Variants in ADGRL2 observed in about 807,000 individuals in gnomAD.
The protein encoded by ADGRL2 is adhesion G protein-coupled receptor L2, also known as calcium-independent alpha-latrotoxin receptor 2.
A neutral mutation model predicts 157.4 loss-of-function variants in ADGRL2; 44 were observed. The observed-to-expected ratio is 0.28, with a 90% CI of 0.22 to 0.36. The LOEUF (loss-of-function observed/expected upper bound fraction) is 0.36, where lower values mean the gene tolerates loss of function less well. ADGRL2 is among the 10% of genes least tolerant of loss of function. The pLI, the probability that ADGRL2 is intolerant of heterozygous loss-of-function variation, is 1.00. For synonymous variants in ADGRL2, 585 were observed against 624.7 expected (o/e 0.94, Z 0.95); for missense variants, 1,510 against 1,768.9 (o/e 0.85, Z 2.63).
upstream of ADGRL2, among the ~76,000 whole-genome samples, chr1:81,796,116 G>A (rs1398263895): frequency 1.3e-5 from 2 of 152,018 alleles, no homozygotes; most frequent in East Asian, 1.9e-4. Context: ...TCAGCCTCCC[G>A]AGTAGATGGG....
At chr1:81,307,860 C>T (rs1659458511) in intron 1 of ADGRL2, among the ~76,000 whole-genome samples, 1 of 150,930 alleles carries the variant, frequency 6.6e-6, no homozygotes, top group South Asian at 2.1e-4. Flanking sequence ...AAAAAATGCG[C>T]CTTGATTTTT....
chr1:81,848,566 C>A (rs1310361113), intron 2 of ADGRL2, among the ~76,000 whole-genome samples: 3 of 151,820 alleles, frequency 2.0e-5, no homozygotes, highest in Non-Finnish European at 4.4e-5. Flanking sequence ...CTTAACATTG[C>A]ATTACTTAAT....
At chr1:81,501,648 C>T (rs1251054795) in intron 2 of ADGRL2, 5 of 1,306,614 alleles carry the variant, frequency 3.8e-6, no homozygotes, top group Non-Finnish European at 5.3e-6. Flanking sequence ...TGGGCCTGAG[C>T]GGCCGCCTCC....
At chr1:81,359,500 A>C (rs1280618628) in intron 1 of ADGRL2, among the ~76,000 whole-genome samples, 1 of 151,994 alleles carries the variant, frequency 6.6e-6, no homozygotes, top group Non-Finnish European at 1.5e-5. Flanking sequence ...AGTAATGCCA[A>C]CTTGGTACTT....
At chr1:81,676,150 C>CGCCAA (rs2082984028) in intron 3 of ADGRL2, among the ~76,000 whole-genome samples, 1 of 152,014 alleles carries the variant, frequency 6.6e-6, no homozygotes, top group South Asian at 2.1e-4. Context: ...TACTGGCACC[C>CGCCAA]GCCACCATGC....
At chr1:81,950,127 G>GCACGCACA (rs1651278826) in intron 6 of ADGRL2, 62 bp from the exon 7 acceptor site, 2 of 1,390,366 alleles carry the variant, frequency 1.4e-6, no homozygotes, top group African/African-American at 2.8e-5. Flanking sequence ...TTCCATGTGT[G>GCACGCACA]CATGACTGTA....
intron 1 of ADGRL2, among the ~76,000 whole-genome samples, chr1:81,822,349 TAAG>T (rs1000503262): frequency 7.9e-5 from 12 of 151,894 alleles, no homozygotes; most frequent in African/African-American, 1.9e-4. Flanking sequence ...GCTACCTTGT[TAAG>T]AAGTTGTGCA....
At chr1:81,522,440 AAATAT>A (rs2079342111) in intron 2 of ADGRL2, among the ~76,000 whole-genome samples, 1 of 152,202 alleles carries the variant, frequency 6.6e-6, no homozygotes, top group African/African-American at 2.4e-5. Flanking sequence ...GGAACATTAT[AAATAT>A]AACATGTCAG....
intron 2 of ADGRL2, among the ~76,000 whole-genome samples, chr1:81,505,334 G>T (rs867214283): frequency 1.5e-4 from 23 of 151,550 alleles, no homozygotes; most frequent in African/African-American, 5.3e-4. Context: ...CTGGCACTGG[G>T]CCCATTTGAA....
intron 2 of ADGRL2, among the ~76,000 whole-genome samples, chr1:81,527,576 G>A (rs1303202837): frequency 3.9e-5 from 6 of 152,260 alleles, no homozygotes; most frequent in Middle Eastern, 3.4e-3. Flanking sequence ...GCTGGGCGTG[G>A]TGGCAGTCGC....
chr1:81,450,872 C>T (rs183386387), intron 2 of ADGRL2, among the ~76,000 whole-genome samples: 1 of 151,962 alleles, frequency 6.6e-6, no homozygotes, highest in African/African-American at 2.4e-5. Flanking sequence ...ACTTAGAGTC[C>T]CCCCAAAGTA....
intron 2 of ADGRL2, among the ~76,000 whole-genome samples, chr1:81,905,000 T>C (rs1220730700): frequency 2.0e-5 from 3 of 152,146 alleles, no homozygotes; most frequent in African/African-American, 7.2e-5. Flanking sequence ...ATTCGAACGA[T>C]AGCAAGTACC....
At chr1:81,751,833 T>A (rs1448087730) in intron 1 of ADGRL2, among the ~76,000 whole-genome samples, 2 of 152,166 alleles carry the variant, frequency 1.3e-5, no homozygotes, top group Non-Finnish European at 2.9e-5. Context: ...TCTGAAAAAA[T>A]GTTATTTGTC....
chr1:81,564,027 C>T (rs2080503877), intron 2 of ADGRL2, among the ~76,000 whole-genome samples: 1 of 152,162 alleles, frequency 6.6e-6, no homozygotes, highest in Admixed American at 6.6e-5. Flanking sequence ...TCCTCCTTAT[C>T]TTAGAGGTAG....
At chr1:81,900,401 T>C (rs148562492) in intron 2 of ADGRL2, among the ~76,000 whole-genome samples, 8 of 152,318 alleles carry the variant, frequency 5.3e-5, no homozygotes, top group Admixed American at 1.3e-4. Flanking sequence ...AACTATGTCA[T>C]TGTGGAAGTT....
At chr1:81,646,027 T>C (rs1323286269) in intron 3 of ADGRL2, among the ~76,000 whole-genome samples, 2 of 152,134 alleles carry the variant, frequency 1.3e-5, no homozygotes, top group African/African-American at 4.8e-5. Flanking sequence ...GGGATAAAAA[T>C]GTTAATTCTC....
At chr1:81,383,682 G>T (rs1336103794) in intron 1 of ADGRL2, among the ~76,000 whole-genome samples, 1 of 149,488 alleles carries the variant, frequency 6.7e-6, no homozygotes, top group African/African-American at 2.5e-5. Context: ...AAAAAAGAAG[G>T]CCGGGTGCAC....
At chr1:81,904,474 T>C (rs1048905220) in intron 2 of ADGRL2, among the ~76,000 whole-genome samples, 4 of 152,214 alleles carry the variant, frequency 2.6e-5, no homozygotes, top group Non-Finnish European at 5.9e-5. Flanking sequence ...ATTTAGCTTA[T>C]GGTTCTGGGG....
At chr1:81,446,535 T>C (rs1391454429) in intron 2 of ADGRL2, among the ~76,000 whole-genome samples, 2 of 152,190 alleles carry the variant, frequency 1.3e-5, no homozygotes, top group Non-Finnish European at 2.9e-5. Flanking sequence ...TGTTAAGTCA[T>C]GGGATTTCCC....
Sources: gnomAD v4.1 joint callset for allele counts (sites outside exome capture counted in the v4.1 genomes callset) on GRCh38, gnomAD v4.1.1 for gene constraint, MANE v1.5 for transcripts, NCBI Gene and HGNC (gene_info 2026-07-23, HGNC 2026-07-21) for gene names.